The following MGAT4C variants were observed in gnomAD, a reference collection of about 807,000 sequenced individuals.
The protein encoded by MGAT4C is MGAT4 family member C, also known as alpha-1,3-mannosyl-glycoprotein 4-beta-N-acetylglucosaminyltransferase C.
A neutral mutation model predicts 40.1 loss-of-function variants in MGAT4C; 19 were observed. The observed-to-expected ratio is 0.47, with a 90% CI of 0.33 to 0.70. The LOEUF (loss-of-function observed/expected upper bound fraction) is 0.70. Among genes scored for constraint, MGAT4C ranks in the 30% least tolerant of loss-of-function variants. MGAT4C has a pLI of 0.02. For missense variants in MGAT4C, 491 were observed against 563.2 expected (o/e 0.87, Z 1.30); for synonymous variants, 181 against 187.1 (o/e 0.97, Z 0.27).
intron 2 of MGAT4C, among the ~76,000 whole-genome samples, chr12:86,613,540 A>T (rs1018304053): frequency 1.3e-5 from 2 of 152,154 alleles, no homozygotes; most frequent in African/African-American, 2.4e-5. Flanking sequence ...CACAGTTATG[A>T]TGCAATTACA....
chr12:86,442,402 G>A (rs1288971229), intron 2 of MGAT4C, among the ~76,000 whole-genome samples: 1 of 152,160 alleles, frequency 6.6e-6, no homozygotes, highest in Non-Finnish European at 1.5e-5. Flanking sequence ...TGGTGTTTTA[G>A]ACATGAAGTC....
chr12:86,469,012 T>C (rs1407755423), intron 2 of MGAT4C, among the ~76,000 whole-genome samples: 1 of 152,154 alleles, frequency 6.6e-6, no homozygotes, highest in Non-Finnish European at 1.5e-5. Flanking sequence ...TTTAATTATT[T>C]TGTTTGTCAT....
Position 86,544,278 on chromosome 12 carries a change from A to G in MGAT4C, c.-228-109013T>C, listed in dbSNP as rs1436958718. Among the ~76,000 whole-genome samples, 3 of 152,198 alleles carry G rather than the reference A, an allele frequency of 2.0e-5. No homozygotes were observed. In the East Asian group the frequency reaches 5.8e-4, roughly 29 times the overall value. On this transcript the variant is annotated intron_variant, in intron 2 of 7. Transcript: ENST00000548651. ...AGAAGACATCTAATATTTTCATGGA[A>G]GGTGACTAAAAGTTTGATTATTATT...
chr12:86,631,955 A>G (rs557563164), intron 2 of MGAT4C, among the ~76,000 whole-genome samples: 1 of 152,246 alleles, frequency 6.6e-6, no homozygotes, highest in South Asian at 2.1e-4. Flanking sequence ...ATCGACCATC[A>G]GAGTGAACAG....
intron 1 of MGAT4C, among the ~76,000 whole-genome samples, chr12:86,053,035 A>T (rs10779227): frequency 2.1e-4 from 32 of 151,830 alleles, no homozygotes; most frequent in Middle Eastern, 3.4e-3. Context: ...TTGGAGTTGC[A>T]GAGTCAGCCA....
intron 3 of MGAT4C, among the ~76,000 whole-genome samples, chr12:86,403,777 G>T (rs1403715820): frequency 2.6e-5 from 4 of 152,148 alleles, no homozygotes; most frequent in East Asian, 1.9e-4. Context: ...TGTCCTGGAA[G>T]AATGAAGATA....
chr12:85,995,833 C>T (rs1005990316), intron 2 of MGAT4C, among the ~76,000 whole-genome samples: 1 of 152,192 alleles, frequency 6.6e-6, no homozygotes, highest in Non-Finnish European at 1.5e-5. Context: ...AATTGTGCCA[C>T]TGCACTCCAG....
chr12:86,804,437 T>G (rs1952306673), intron 1 of MGAT4C, among the ~76,000 whole-genome samples: 1 of 146,592 alleles, frequency 6.8e-6, no homozygotes, highest in African/African-American at 2.5e-5. Context: ...AAAAATAAAA[T>G]AAATAAATAA....
At chr12:86,693,918 A>G (rs1437609610) in intron 2 of MGAT4C, among the ~76,000 whole-genome samples, 3 of 152,112 alleles carry the variant, frequency 2.0e-5, no homozygotes, top group Non-Finnish European at 2.9e-5. Flanking sequence ...CTGTTGTCTA[A>G]ATGTCTGAGA....
At chr12:86,394,479 TA>T (rs1956212282) in intron 3 of MGAT4C, among the ~76,000 whole-genome samples, 1 of 143,546 alleles carries the variant, frequency 7.0e-6, no homozygotes, top group African/African-American at 2.6e-5. Context: ...TATACTTTTT[TA>T]TATATATACT....
At chr12:86,479,294 TAATC>T (rs1328600849) in intron 2 of MGAT4C, among the ~76,000 whole-genome samples, 2 of 151,914 alleles carry the variant, frequency 1.3e-5, no homozygotes, top group African/African-American at 4.8e-5. Flanking sequence ...TGCAAGAAAT[TAATC>T]AATACTATAA....
intron 1 of MGAT4C, among the ~76,000 whole-genome samples, chr12:86,816,245 A>G (rs1293801033): frequency 6.6e-6 from 1 of 151,856 alleles, no homozygotes; most frequent in Non-Finnish European, 1.5e-5. Context: ...TACAAGGAAT[A>G]TATTTTTATG....
Position 85,968,252 on chromosome 12 carries a change from C to T in MGAT4C, c.*11037G>A, listed in dbSNP as rs1883456734. ...ATTTTGTGGAAAGAGGAAGGCAGCT[C>T]AGTTTACAAACAGCAGTGGGTTGAA... On this transcript the variant is annotated 3_prime_UTR_variant, in exon 5 of 5. Transcript: ENST00000611864. 1 of 151,954 alleles carries T rather than the reference C, an allele frequency of 6.6e-6. No homozygotes were observed. The highest frequency in any genetic ancestry group is 2.4e-5 in the African/African-American group (1 of 41,428). 9.4% of individuals were successfully genotyped at this position (151,954 alleles called of 1,614,324 possible).
At chr12:86,404,488 G>A (rs1299158296) in intron 3 of MGAT4C, among the ~76,000 whole-genome samples, 1 of 152,112 alleles carries the variant, frequency 6.6e-6, no homozygotes, top group Non-Finnish European at 1.5e-5. Context: ...ATTCTTATAA[G>A]AGGGAGGGAG....
chr12:86,589,019 A>G (rs1961198065), intron 2 of MGAT4C, among the ~76,000 whole-genome samples: 1 of 150,536 alleles, frequency 6.6e-6, no homozygotes, highest in South Asian at 2.1e-4. Context: ...AAACACATTC[A>G]AAAGCTAGCA....
chr12:86,603,280 T>C (rs1961854327), intron 2 of MGAT4C, among the ~76,000 whole-genome samples: 1 of 142,246 alleles, frequency 7.0e-6, no homozygotes, highest in Admixed American at 7.3e-5. Context: ...ATAATTATAA[T>C]TAATTATATA....
At chr12:86,308,232 A>C in intron 4 of MGAT4C, among the ~76,000 whole-genome samples, 1 of 150,752 alleles carries the variant, frequency 6.6e-6, no homozygotes, top group East Asian at 1.9e-4. Flanking sequence ...TATCTTAAAA[A>C]ATTTGATGCA....
intron 2 of MGAT4C, among the ~76,000 whole-genome samples, chr12:86,041,114 T>G (rs1267109877): frequency 6.6e-6 from 1 of 150,602 alleles, no homozygotes; most frequent in Non-Finnish European, 1.5e-5. Flanking sequence ...AGACCGGAGC[T>G]TTTCTTATTC....
rs73389819 is a variant in MGAT4C at position 86,521,595 on chromosome 12, A to G, written c.-228-86330T>C. Among the ~76,000 whole-genome samples the G allele has an allele frequency of 2.8e-3, 425 of 151,962 alleles. 2 individuals are homozygous for G. The highest frequency in any genetic ancestry group is 9.9e-3 in the African/African-American group (413 of 41,516). Reference sequence around the variant, plus strand: ...TTGTTTGTCTTTTTGGTTCCATATGAATTTTTAATTTTTTTTCTAGTCTGT... The same window carrying G: ...TTGTTTGTCTTTTTGGTTCCATATGGATTTTTAATTTTTTTTCTAGTCTGT... On this transcript the variant is annotated intron_variant, in intron 2 of 7. Transcript: ENST00000548651.
Sources: allele counts gnomAD v4.1 joint callset (sites outside exome capture counted in the v4.1 genomes callset), GRCh38; gene constraint gnomAD v4.1.1; transcripts MANE v1.5; gene names NCBI Gene and HGNC (gene_info 2026-07-23, HGNC 2026-07-21).